IGSF10: variants seen among roughly 807,000 people sequenced by gnomAD.
IGSF10 encodes immunoglobulin superfamily member 10, also known as calvaria mechanical force protein 608.
In IGSF10, 126 loss-of-function variants were observed where a neutral mutation model predicts 128.2. The ratio of observed to expected loss-of-function variants is 0.98; its 90% CI spans 0.85 to 1.14. IGSF10 has a LOEUF of 1.14. Among genes scored for constraint, IGSF10 ranks in the 50% most tolerant of loss-of-function variants. The pLI is 0.00. For synonymous variants in IGSF10, 1,185 were observed against 1,146.2 expected, an observed-to-expected ratio of 1.03 and a Z score of -0.68; for missense variants, 3,295 against 3,149.8, an observed-to-expected ratio of 1.05 and a Z score of -1.10.
chr3:151,535,427 G>T, the IGSF10 span, among the ~76,000 whole-genome samples: 1 of 152,124 alleles, frequency 6.6e-6, no homozygotes, highest in African/African-American at 2.4e-5. Context: ...TGGACATGAA[G>T]ATGGCAAAAA....
chr3:151,477,757 G>C, the IGSF10 span, among the ~76,000 whole-genome samples: 1 of 152,196 alleles, frequency 6.6e-6, no homozygotes, highest in East Asian at 1.9e-4. Flanking sequence ...CATGATGTTA[G>C]AGAAGGGGTT....
At chr3:151,533,355 AC>A in the IGSF10 span, among the ~76,000 whole-genome samples, 1 of 152,204 alleles carries the variant, frequency 6.6e-6, no homozygotes, top group African/African-American at 2.4e-5. Flanking sequence ...CATAGCCAAG[AC>A]AATCTAAGCT....
chr3:151,438,736 GACATTTTGAGAGAGATATATAT>G (rs1260856801), intron 7 of IGSF10, 139 bp from the exon 8 acceptor site: 16 of 617,358 alleles, frequency 2.6e-5, no homozygotes, highest in African/African-American at 2.2e-4. Flanking sequence ...TGTAGAACAT[GACATTTTGAGAGAGATATATAT>G]ACATTTTGAG....
Position 151,447,643 on chromosome 3 carries a change from G to C in IGSF10, c.2338C>G (p.Pro780Ala). ...DKRENTTVSP[P>A]PVVTQLPNIP... is the part of the protein sequence containing the mutation. ...TTTGGGAGTTGGGTGACCACTGGGGGTGGGCTCACTGTGGTATTTTCTCGC... is the reference window on the plus strand; with the variant it reads ...TTTGGGAGTTGGGTGACCACTGGGGCTGGGCTCACTGTGGTATTTTCTCGC... The change falls in exon 6 of 8, where the codon CCC becomes GCC. Residue 780 changes from proline (P) to alanine (A), a missense_variant. By Grantham distance (27) the Pro-to-Ala change is conservative. Transcript: ENST00000282466. 1 of 1,614,136 alleles carries C rather than the reference G, an allele frequency of 6.2e-7. No individual in the cohort carries two copies. Among genetic ancestry groups the C allele is most frequent in the Non-Finnish European group, 8.5e-7 (1 of 1,180,028 alleles).
rs1167998716 is a variant in IGSF10 at position 151,437,936 on chromosome 3, C to T, written c.6625G>A (p.Gly2209Arg). Reference sequence around the variant, plus strand: ...TTTCGGGCTACACATACGTACTCTCCAGAATCGAGCAGTTTCACTTTGTTG... The same window carrying T: ...TTTCGGGCTACACATACGTACTCTCTAGAATCGAGCAGTTTCACTTTGTTG... The part of the protein sequence containing the change: ...TINKVKLLDS[G>R]EYVCVARNPS... The change falls in exon 8 of 8, where the codon GGA becomes AGA. Residue 2209 changes from glycine (G) to arginine (R), a missense_variant. Coordinates refer to ENST00000282466, the MANE Select transcript of IGSF10 (RefSeq NM_178822.5). 6.2e-7 allele frequency: 1 copy of T among 1,614,204 alleles called. No individual in the cohort carries two copies. The highest frequency in any genetic ancestry group is 1.3e-5 in the African/African-American group (1 of 75,060).
chr3:151,552,856 A>G, the IGSF10 span, among the ~76,000 whole-genome samples: 2 of 152,152 alleles, frequency 1.3e-5, no homozygotes, highest in Non-Finnish European at 2.9e-5. Flanking sequence ...ATTAGTCATG[A>G]TAGGCCTTCT....
At chr3:151,530,020 C>T in the IGSF10 span, among the ~76,000 whole-genome samples, 2 of 151,802 alleles carry the variant, frequency 1.3e-5, no homozygotes, top group East Asian at 2.0e-4. Flanking sequence ...ACATAAATGA[C>T]CTGATGGAGC....
At chr3:151,588,516 A>T in the IGSF10 span, among the ~76,000 whole-genome samples, 1 of 152,226 alleles carries the variant, frequency 6.6e-6, no homozygotes, top group Non-Finnish European at 1.5e-5. Flanking sequence ...AAATGCATAT[A>T]CACACTAATA....
the IGSF10 span, among the ~76,000 whole-genome samples, chr3:151,578,214 A>T: frequency 6.6e-6 from 1 of 152,208 alleles, no homozygotes; most frequent in Non-Finnish European, 1.5e-5. Flanking sequence ...TTTTTAATAA[A>T]TTCCTAGAGC....
At chr3:151,600,364 A>G in the IGSF10 span, among the ~76,000 whole-genome samples, 1 of 152,096 alleles carries the variant, frequency 6.6e-6, no homozygotes, top group Non-Finnish European at 1.5e-5. Context: ...CCAGAGGCAA[A>G]TTATTTTGCC....
the IGSF10 span, among the ~76,000 whole-genome samples, chr3:151,561,562 C>A: frequency 3.9e-5 from 6 of 152,056 alleles, no homozygotes; most frequent in African/African-American, 1.4e-4. Context: ...TTTTATTCAT[C>A]TCTATGTAAT....
In IGSF10 at chr3:151,436,324, T is replaced by G; in HGVS notation, c.*365A>C. Reference sequence around the variant, plus strand: ...TCCATTGTCTCTGTTCTGAGTGCCATGCTTGTAACATTGATAGGAGGTGGA... The same window carrying G: ...TCCATTGTCTCTGTTCTGAGTGCCAGGCTTGTAACATTGATAGGAGGTGGA... On this transcript the variant is annotated 3_prime_UTR_variant, in exon 8 of 8. Coordinates refer to ENST00000282466, the MANE Select transcript of IGSF10 (RefSeq NM_178822.5). 5.7e-6 allele frequency: 1 copy of G among 176,476 alleles called. No homozygotes were observed. 10.9% of individuals were successfully genotyped at this position (176,476 alleles called of 1,614,324 possible). A position where few individuals can be genotyped will look rare whatever the true frequency, so the allele number is the denominator to read the frequency against.
At chr3:151,470,235 C>T in the IGSF10 span, among the ~76,000 whole-genome samples, 19 of 152,256 alleles carry the variant, frequency 1.2e-4, no homozygotes, top group East Asian at 3.7e-3. Flanking sequence ...CTCAGTTTAC[C>T]TTTTACAGCA....
the IGSF10 span, among the ~76,000 whole-genome samples, chr3:151,595,764 A>C: frequency 2.0e-5 from 3 of 151,064 alleles, no homozygotes; most frequent in Non-Finnish European, 4.4e-5. Flanking sequence ...GAAACAGAGA[A>C]TAGAAAGGTG....
chr3:151,499,109 C>G, the IGSF10 span, among the ~76,000 whole-genome samples: 1 of 152,106 alleles, frequency 6.6e-6, no homozygotes, highest in African/African-American at 2.4e-5. Context: ...TAATTAAACA[C>G]TTGTTCAAAT....
chr3:151,460,849 G>C, intron 1 of IGSF10, 97 bp downstream of exon 1: 12 of 505,018 alleles, frequency 2.4e-5, no homozygotes, highest in Non-Finnish European at 2.8e-5. Flanking sequence ...CCCAGCGCCC[G>C]CTTCTGCAGC....
chr3:151,466,035 G>A (rs1435117219), upstream of IGSF10, among the ~76,000 whole-genome samples: 1 of 151,946 alleles, frequency 6.6e-6, no homozygotes, highest in Non-Finnish European at 1.5e-5. Flanking sequence ...TCCTTTTTTT[G>A]TCTATAAATT....
the IGSF10 span, among the ~76,000 whole-genome samples, chr3:151,469,628 T>C: frequency 6.6e-6 from 1 of 152,174 alleles, no homozygotes; most frequent in Non-Finnish European, 1.5e-5. Flanking sequence ...ACTTGAATGT[T>C]TATGGGCCTC....
chr3:151,520,753 C>T, the IGSF10 span, among the ~76,000 whole-genome samples: 1 of 151,772 alleles, frequency 6.6e-6, no homozygotes, highest in African/African-American at 2.4e-5. Flanking sequence ...AAATGAAAGT[C>T]TAATACTAGC....
Sources: allele counts gnomAD v4.1 joint callset (sites outside exome capture counted in the v4.1 genomes callset), GRCh38; gene constraint gnomAD v4.1.1; transcripts MANE v1.5; gene names NCBI Gene and HGNC (gene_info 2026-07-23, HGNC 2026-07-21).